Variants in ZNF641 observed in about 807,000 individuals in gnomAD.
ZNF641 encodes the protein zinc finger protein 641.
In ZNF641, 26 loss-of-function variants were observed where a neutral mutation model predicts 46.2. The ratio of observed to expected loss-of-function variants is 0.56; its 90% CI spans 0.41 to 0.78. ZNF641 has a LOEUF of 0.78. Ranked by LOEUF, ZNF641 falls within the 30% of genes least tolerant of loss-of-function variation. The probability of loss-of-function intolerance (pLI) is 0.00; values close to 1 mark genes in which losing one functional copy is unlikely to be tolerated. For missense variants in ZNF641, 469 were observed against 517.8 expected (o/e 0.91, Z 0.91); for synonymous variants, 163 against 187.9 (o/e 0.87, Z 1.09).
Position 48,340,523 on chromosome 12 carries a change from C to T in ZNF641, c.*2450G>A. On this transcript the variant is annotated 3_prime_UTR_variant, in exon 6 of 6. Transcript: ENST00000547026. ...TAAAGACCAGACTCCATCCTTATAC[C>T]ACTGATGCCTCTGGTACCTTAATCC... 2.2e-6 allele frequency: 2 copies of T among 896,806 alleles called. No individual in the cohort carries two copies. Among genetic ancestry groups the T allele is most frequent in the Non-Finnish European group, 2.6e-6 (2 of 780,974 alleles). 55.6% of individuals were successfully genotyped at this position (896,806 alleles called of 1,614,324 possible). A position where few individuals can be genotyped will look rare whatever the true frequency, so the allele number is the denominator to read the frequency against.
upstream of ZNF641, chr12:48,351,019 GGAGT>G (rs1953023565): frequency 6.8e-6 from 1 of 147,982 alleles, no homozygotes; most frequent in African/African-American, 2.8e-5. Context: ...GGGAGGGAGA[GGAGT>G]GGGAGGGAGG....
Position 48,342,900 on chromosome 12 carries a change from A to G in ZNF641, c.*73T>C. ...GATTCTGGCCACTGGGGTTCAGGAGAACGGCAGCCCTGGCAGTGACTCCTG... is the reference window on the plus strand; with the variant it reads ...GATTCTGGCCACTGGGGTTCAGGAGGACGGCAGCCCTGGCAGTGACTCCTG... On this transcript the variant is annotated 3_prime_UTR_variant, in exon 6 of 6. Coordinates refer to ENST00000547026, the MANE Select transcript of ZNF641 (RefSeq NM_001172681.2). 6.6e-7 allele frequency: 1 copy of G among 1,525,872 alleles called. No homozygotes were observed. The highest frequency in any genetic ancestry group is 8.7e-7 in the Non-Finnish European group (1 of 1,144,748). 94.5% of individuals were successfully genotyped at this position (1,525,872 alleles called of 1,614,324 possible).
intron 1 of ZNF641, among the ~76,000 whole-genome samples, chr12:48,349,574 C>G (rs996957834): frequency 6.6e-6 from 1 of 152,142 alleles, no homozygotes; most frequent in African/African-American, 2.4e-5. Context: ...AACCCTAAGC[C>G]CAATGCACAG....
chr12:48,341,397 A>G lies in ZNF641; in HGVS notation c.*1576T>C, dbSNP rs1952713771. The G allele has an allele frequency of 2.0e-6, 2 of 985,372 alleles. No homozygotes were observed. The highest frequency in any genetic ancestry group is 4.7e-5 in the South Asian group (1 of 21,292). The allele number at this position is 985,372 out of a possible 1,614,324, so 61.0% of individuals were successfully genotyped here. A position where few individuals can be genotyped will look rare whatever the true frequency, so the allele number is the denominator to read the frequency against. ...TTAACACAATTATTGATAAAGAGAA[A>G]CAATGACCAACTCATTAGCTAACGA... On this transcript the variant is annotated 3_prime_UTR_variant, in exon 6 of 6. Transcript: ENST00000547026.
intron 1 of ZNF641, among the ~76,000 whole-genome samples, chr12:48,348,659 C>CT (rs1483660237): frequency 6.6e-6 from 1 of 152,210 alleles, no homozygotes; most frequent in Non-Finnish European, 1.5e-5. Context: ...AGGTACCTCA[C>CT]TTGGGACAAG....
At position 48,340,471 on chromosome 12, in the gene ZNF641, G is replaced by A. The variant is rs564033091; in HGVS notation, c.*2502C>T. On this transcript the variant is annotated 3_prime_UTR_variant, in exon 6 of 6. Transcript: ENST00000547026. ...AGATCTTTTTGAAAACCAGAGAGTA[G>A]AATGTAAGCAATACCCTTGTCGTAA... 1.0e-6 allele frequency: 1 copy of A among 985,444 alleles called. No individual in the cohort carries two copies. Among genetic ancestry groups the A allele is most frequent in the South Asian group, 4.7e-5 (1 of 21,292 alleles). The allele number at this position is 985,444 out of a possible 1,614,324, so 61.0% of individuals were successfully genotyped here. A position where few individuals can be genotyped will look rare whatever the true frequency, so the allele number is the denominator to read the frequency against.
chr12:48,343,752 C>G, intron 5 of ZNF641, 25 bp from the exon 6 acceptor site: 3 of 1,448,398 alleles, frequency 2.1e-6, no homozygotes, highest in Non-Finnish European at 2.7e-6. Context: ...AAATACCAAC[C>G]CCAAGAGAAG....
In ZNF641 at chr12:48,343,120, G is replaced by C. The variant is rs750395299; in HGVS notation, c.1128C>G (p.His376Gln). ...SFGRRHHLVR[H>Q]WLTHTGEKPF... ...GCTTCTCCCCAGTGTGGGTCAGCCAGTGTCTCACAAGGTGGTGCCTTCGGC... is the reference window on the plus strand; with the variant it reads ...GCTTCTCCCCAGTGTGGGTCAGCCACTGTCTCACAAGGTGGTGCCTTCGGC... The change falls in exon 6 of 6, where the codon CAC (histidine) becomes CAG (glutamine). Residue 376 changes from histidine (H) to glutamine (Q), a missense_variant. By Grantham distance (24) the His-to-Gln change is conservative. Transcript: ENST00000547026. The C allele has an allele frequency of 6.2e-7, 1 of 1,613,922 alleles. No individual in the cohort carries two copies. The highest frequency in any genetic ancestry group is 1.3e-5 in the African/African-American group (1 of 74,854).
At position 48,340,668 on chromosome 12, in the gene ZNF641, C is replaced by G; in HGVS notation, c.*2305G>C. 2.0e-6 allele frequency: 2 copies of G among 985,444 alleles called. No individual in the cohort carries two copies. The highest frequency in any genetic ancestry group is 2.4e-6 in the Non-Finnish European group (2 of 829,938). The allele number at this position is 985,444 out of a possible 1,614,324, so 61.0% of individuals were successfully genotyped here. On this transcript the variant is annotated 3_prime_UTR_variant, in exon 6 of 6. Coordinates refer to ENST00000547026, the MANE Select transcript of ZNF641 (RefSeq NM_001172681.2). ...AGGGATTCCACAGATGGGCTTTGAA[C>G]CTGCTAAATGTGTATGGAAAACTGA... is the stretch of plus-strand genomic sequence containing the variant.
chr12:48,340,317 A>C lies in ZNF641; in HGVS notation c.*2656T>G. ...GGGGGCTTCACTTTCTATCCCTACAATTACTCAAACAGATAAAAGGCTGGA... is the reference window on the plus strand; with the variant it reads ...GGGGGCTTCACTTTCTATCCCTACACTTACTCAAACAGATAAAAGGCTGGA... On this transcript the variant is annotated 3_prime_UTR_variant, in exon 6 of 6. Transcript: ENST00000547026. The C allele has an allele frequency of 1.0e-6, 1 of 985,448 alleles. No individual in the cohort carries two copies. Among genetic ancestry groups the C allele is most frequent in the Non-Finnish European group, 1.2e-6 (1 of 829,936 alleles). The allele number at this position is 985,448 out of a possible 1,614,324, so 61.0% of individuals were successfully genotyped here. A position where few individuals can be genotyped will look rare whatever the true frequency, so the allele number is the denominator to read the frequency against.
At chr12:48,349,947 T>C (rs879022210) in intron 1 of ZNF641, 1 of 1,442,888 alleles carries the variant, frequency 6.9e-7, no homozygotes, top group Admixed American at 1.7e-5. Flanking sequence ...GAAGCCTCTT[T>C]GTGCAGAGCC....
rs1393799609 is a variant in ZNF641, at chr12:48,344,611, C to A, written c.508G>T (p.Val170Phe). ...QDLEERDILRVTYTGDGSEHE... is the reference protein window; with the variant it reads ...QDLEERDILRFTYTGDGSEHE... ...TCTAGGTTCTTACCTGTATATGTGA[C>A]CCTCAGAATGTCCCTCTCCTCTAAG... Residue 170 changes from valine (V) to phenylalanine (F), a missense_variant, in exon 5 of 6, where the codon GTC becomes TTC. This residue lies in a region of ZNF641 where 346 missense variants were observed against 354.0 expected (regional missense o/e 0.98). Coordinates refer to ENST00000547026, the MANE Select transcript of ZNF641 (RefSeq NM_001172681.2). 1.9e-6 allele frequency: 3 copies of A among 1,609,996 alleles called. No homozygotes were observed. Among genetic ancestry groups the A allele is most frequent in the Middle Eastern group, 1.7e-4 (1 of 6,046 alleles).
At position 48,340,989 on chromosome 12, in the gene ZNF641, TG is replaced by T; in HGVS notation, c.*1983del. 1 of 985,410 alleles carries T rather than the reference TG, an allele frequency of 1.0e-6. No individual in the cohort carries two copies. 61.0% of individuals were successfully genotyped at this position (985,410 alleles called of 1,614,324 possible). A position where few individuals can be genotyped will look rare whatever the true frequency, so the allele number is the denominator to read the frequency against. On this transcript the variant is annotated 3_prime_UTR_variant, in exon 6 of 6. Transcript: ENST00000547026. ...TTCATAGGATCATAAGCAAGAGAACTGCATTCCAGGAAGAATGAAGGAAGAA... is the reference window on the plus strand; with the variant it reads ...TTCATAGGATCATAAGCAAGAGAACTCATTCCAGGAAGAATGAAGGAAGAA...
rs754784314 is a variant in ZNF641 at position 48,344,726 on chromosome 12, AG to A, written c.407-15del. The A allele has an allele frequency of 3.4e-6, 5 of 1,486,174 alleles. No individual in the cohort carries two copies. The South Asian group carries it at 5.8e-5, about 17-fold the overall frequency. 92.1% of individuals were successfully genotyped at this position (1,486,174 alleles called of 1,614,324 possible). A position where few individuals can be genotyped will look rare whatever the true frequency, so the allele number is the denominator to read the frequency against. On this transcript the variant is annotated splice_polypyrimidine_tract_variant and intron_variant, in intron 4 of 5. Transcript: ENST00000547026. ...GAATTGGAAATCCTGCTCATGGGAA[AG>A]GAAAATAGAGCTGTCAATTAGTTCA...
Position 48,342,916 on chromosome 12 carries a change from G to A in ZNF641, c.*57C>T. On this transcript the variant is annotated 3_prime_UTR_variant, in exon 6 of 6. Coordinates refer to ENST00000547026, the MANE Select transcript of ZNF641 (RefSeq NM_001172681.2). ...GTTCAGGAGAACGGCAGCCCTGGCA[G>A]TGACTCCTGGTAGCACCGGCTGATA... 1 of 1,540,868 alleles carries A rather than the reference G, an allele frequency of 6.5e-7. No homozygotes were observed. The highest frequency in any genetic ancestry group is 8.7e-7 in the Non-Finnish European group (1 of 1,149,818).
intron 3 of ZNF641, 63 bp downstream of exon 3, chr12:48,347,189 C>G (rs780279086): frequency 1.9e-6 from 3 of 1,611,930 alleles, no homozygotes; most frequent in Admixed American, 3.3e-5. Context: ...TGGGCTGATG[C>G]GAAAGCAATA....
At position 48,341,283 on chromosome 12, in the gene ZNF641, A is replaced by G. The variant is rs1952709999; in HGVS notation, c.*1690T>C. ...AGGGAAGAAACAGTATCTAAGCATTAAAGAGAAAATATCCCACTTTGCTCC... is the reference window on the plus strand; with the variant it reads ...AGGGAAGAAACAGTATCTAAGCATTGAAGAGAAAATATCCCACTTTGCTCC... On this transcript the variant is annotated 3_prime_UTR_variant, in exon 6 of 6. Transcript: ENST00000547026. 1 of 985,360 alleles carries G rather than the reference A, an allele frequency of 1.0e-6. No homozygotes were observed. Among genetic ancestry groups the G allele is most frequent in the South Asian group, 4.7e-5 (1 of 21,294 alleles). The allele number at this position is 985,360 out of a possible 1,614,324, so 61.0% of individuals were successfully genotyped here.
rs1380563100 is a variant in ZNF641 at position 48,341,822 on chromosome 12, T to C, written c.*1151A>G. 1 of 985,336 alleles carries C rather than the reference T, an allele frequency of 1.0e-6. No homozygotes were observed. The highest frequency in any genetic ancestry group is 1.7e-5 in the African/African-American group (1 of 57,240). 61.0% of individuals were successfully genotyped at this position (985,336 alleles called of 1,614,324 possible). On this transcript the variant is annotated 3_prime_UTR_variant, in exon 6 of 6. Transcript: ENST00000547026. Reference sequence around the variant, plus strand: ...CAGCCCAGAGATTCAAACCTAGACATACACATCCACAATTGTCTTAATCTC... The same window carrying C: ...CAGCCCAGAGATTCAAACCTAGACACACACATCCACAATTGTCTTAATCTC...
rs757462829 is a variant in ZNF641, at chr12:48,343,401, A to G, written c.847T>C (p.Cys283Arg). The change falls in exon 6 of 6, where the codon TGT (cysteine) becomes CGT (arginine). Residue 283 changes from cysteine (C) to arginine (R), a missense_variant. Physicochemically the swap from Cys to Arg is radical, Grantham distance 180 (BLOSUM62 -3). Coordinates refer to ENST00000547026, the MANE Select transcript of ZNF641 (RefSeq NM_001172681.2). ...TGTCTTCGCCCAAAGGTCTTCTCAC[A>G]CTTGAGGCAGCTGTAGGGTCTCTCC... ...TGERPYSCLK[C>R]EKTFGRRHHL... 6.2e-6 allele frequency: 10 copies of G among 1,613,890 alleles called. No homozygotes were observed.
Sources: gnomAD v4.1 joint callset for allele counts (sites outside exome capture counted in the v4.1 genomes callset) on GRCh38, gnomAD v4.1.1 for gene constraint, gnomAD v4.1.1 regional missense constraint, MANE v1.5 for transcripts, NCBI Gene and HGNC (gene_info 2026-07-23, HGNC 2026-07-21) for gene names.